BTBD16: variants seen among roughly 807,000 people sequenced by gnomAD.
BTBD16 encodes the protein BTB/POZ domain-containing protein 16.
BTBD16 carries 66 observed loss-of-function variants against 67.4 expected under a neutral mutation model. The observed-to-expected ratio is 0.98, with a 90% CI of 0.80 to 1.20. BTBD16 has a LOEUF of 1.20. BTBD16 is among the 50% of genes most tolerant of loss of function. BTBD16 has a pLI of 0.00. For missense variants in BTBD16, 634 were observed against 616.0 expected, an observed-to-expected ratio of 1.03 and a Z score of -0.31; for synonymous variants, 242 against 236.4, an observed-to-expected ratio of 1.02 and a Z score of -0.22.
intron 10 of BTBD16, among the ~76,000 whole-genome samples, chr10:122,309,716 C>T (rs1191434344): frequency 6.6e-6 from 1 of 151,928 alleles, no homozygotes; most frequent in Non-Finnish European, 1.5e-5. Context: ...TCAAGTGATC[C>T]TCCCACTTGG....
At chr10:122,329,629 C>T (rs1489253518) in intron 11 of BTBD16, 58 bp downstream of exon 11, 3 of 1,449,482 alleles carry the variant, frequency 2.1e-6, no homozygotes, top group Admixed American at 1.7e-5. Context: ...CCTGCCCACC[C>T]CCCAGCCACT....
Position 122,286,263 on chromosome 10 carries a change from G to A in BTBD16, c.385+15G>A, listed in dbSNP as rs1233629598. On this transcript the variant is annotated intron_variant, in intron 5 of 15. Coordinates refer to ENST00000260723, the MANE Select transcript of BTBD16 (RefSeq NM_144587.5). ...GCTTCTGCGAGGTACTTCCTCCCTG[G>A]CACCCAGTGCTGGAGCCCCAGTGCC... 6.3e-7 allele frequency: 1 copy of A among 1,595,916 alleles called. No homozygotes were observed. The highest frequency in any genetic ancestry group is 8.6e-7 in the Non-Finnish European group (1 of 1,168,684).
chr10:122,307,937 C>T (rs1270441181), intron 10 of BTBD16, among the ~76,000 whole-genome samples: 1 of 152,234 alleles, frequency 6.6e-6, no homozygotes, highest in African/African-American at 2.4e-5. Context: ...AAGTAAAGAG[C>T]CCACTTCTTT....
chr10:122,323,809 G>C (rs1268569017), intron 10 of BTBD16, among the ~76,000 whole-genome samples: 2 of 152,110 alleles, frequency 1.3e-5, no homozygotes, highest in African/African-American at 4.8e-5. Context: ...ATAATGAGGA[G>C]GTTACTTAGG....
chr10:122,296,639 A>T (rs1257285044), intron 7 of BTBD16, among the ~76,000 whole-genome samples: 8 of 151,788 alleles, frequency 5.3e-5, no homozygotes, highest in Non-Finnish European at 1.2e-4. Flanking sequence ...AACATCTGTG[A>T]CCCTACCTGC....
At chr10:122,315,367 T>A (rs532888219) in intron 10 of BTBD16, among the ~76,000 whole-genome samples, 1 of 152,296 alleles carries the variant, frequency 6.6e-6, no homozygotes, top group East Asian at 1.9e-4. Context: ...ACCAACTAGG[T>A]CAAGCAATAT....
rs79702931 is a variant in BTBD16, at chr10:122,307,448, C to T, written c.911+140C>T. 3.4e-3 allele frequency: 2,806 copies of T among 832,626 alleles called. 48 individuals are homozygous for T. In the African/African-American group the frequency reaches 0.045, roughly 13 times the overall value. 51.6% of individuals were successfully genotyped at this position (832,626 alleles called of 1,614,324 possible). A position where few individuals can be genotyped will look rare whatever the true frequency, so the allele number is the denominator to read the frequency against. ...GAGGGCACTGTTTTTTTAATAGGGC[C>T]TAAGATTATAGGATGCTTTCAAACC... is the stretch of plus-strand genomic sequence containing the variant. On this transcript the variant is annotated intron_variant, in intron 10 of 15. Coordinates refer to ENST00000260723, the MANE Select transcript of BTBD16 (RefSeq NM_144587.5).
rs191976476 is a variant in BTBD16 at position 122,307,177 on chromosome 10, T to A, written c.792-12T>A. On this transcript the variant is annotated splice_polypyrimidine_tract_variant and intron_variant, in intron 9 of 15. Coordinates refer to ENST00000260723, the MANE Select transcript of BTBD16 (RefSeq NM_144587.5). ...TTCTGAAATTTCTTCTCAATCTTTT[T>A]ATTTTGGCCAGGTTATTTACCTTTA... The A allele has an allele frequency of 1.7e-5, 27 of 1,578,434 alleles. No individual in the cohort carries two copies. The African/African-American group carries it at 2.5e-4, about 14-fold the overall frequency.
Position 122,275,092 on chromosome 10 carries a change from C to T in BTBD16, c.11C>T (p.Ser4Leu), listed in dbSNP as rs202210822. 42 of 1,613,814 alleles carry T rather than the reference C, an allele frequency of 2.6e-5. 1 individual carries two copies. Among genetic ancestry groups the T allele is most frequent in the Admixed American group, 2.0e-4 (12 of 59,998 alleles). Residue 4 changes from serine to leucine, a missense_variant, in exon 2 of 16, where the codon TCG becomes TTG. Ser to Leu is a moderately radical substitution (Grantham distance 145, BLOSUM62 -2). Coordinates refer to ENST00000260723, the MANE Select transcript of BTBD16 (RefSeq NM_144587.5). MIM[S>L]NTHKARLERR... ...TTTCCACTTTCATTCATGATAATGTCGAACACGGTGAGTAGATCAGTTTCT... is the reference window on the plus strand; with the variant it reads ...TTTCCACTTTCATTCATGATAATGTTGAACACGGTGAGTAGATCAGTTTCT...
At chr10:122,328,888 G>A (rs1196101188) in intron 10 of BTBD16, 2 of 909,218 alleles carry the variant, frequency 2.2e-6, no homozygotes, top group East Asian at 1.2e-4. Context: ...TTAACACTGA[G>A]TATAGCAGAA....
At chr10:122,297,328 A>T (rs2096385183) in intron 7 of BTBD16, among the ~76,000 whole-genome samples, 1 of 152,184 alleles carries the variant, frequency 6.6e-6, no homozygotes, top group African/African-American at 2.4e-5. Context: ...AGAGACCTTC[A>T]TCTGAGAGCT....
chr10:122,278,542 T>A (rs553987534), intron 3 of BTBD16, among the ~76,000 whole-genome samples: 1 of 152,342 alleles, frequency 6.6e-6, no homozygotes, highest in South Asian at 2.1e-4. Context: ...GGGCAGCATT[T>A]TAGTAATTAA....
intron 13 of BTBD16, 149 bp downstream of exon 13, chr10:122,332,662 T>C: frequency 9.8e-7 from 1 of 1,019,608 alleles, no homozygotes. Context: ...TCCTGCATGG[T>C]CATCAGCTCC....
intron 4 of BTBD16, among the ~76,000 whole-genome samples, chr10:122,285,327 A>G (rs2096361569): frequency 6.6e-6 from 1 of 152,106 alleles, no homozygotes; most frequent in Non-Finnish European, 1.5e-5. Flanking sequence ...CTCCTCTATC[A>G]AAAAGCCTCT....
rs1408853683 is a variant in BTBD16 at position 122,289,992 on chromosome 10, A to G, written c.469A>G (p.Lys157Glu). ...GAAGATCAATGACCCACTGGTCACT[A>G]AAGTCGGTATGTATATACCCGTCTA... ...SLKINDPLVT[K>E]VAFATALKNL... is the part of the protein sequence containing the mutation. Residue 157 changes from lysine (K) to glutamate (E), a missense_variant, in exon 6 of 16, where the codon AAA (lysine) becomes GAA (glutamate). By Grantham distance (56) the Lys-to-Glu change is moderately conservative (BLOSUM62 1). Transcript: ENST00000260723. 6.2e-7 allele frequency: 1 copy of G among 1,608,224 alleles called. No individual in the cohort carries two copies. Among genetic ancestry groups the G allele is most frequent in the Non-Finnish European group, 8.5e-7 (1 of 1,174,892 alleles).
intron 10 of BTBD16, among the ~76,000 whole-genome samples, chr10:122,312,863 C>T (rs2096416546): frequency 6.6e-6 from 1 of 152,178 alleles, no homozygotes; most frequent in Admixed American, 6.5e-5. Context: ...GGCTGGCTTT[C>T]TCACTTTCAG....
intron 7 of BTBD16, among the ~76,000 whole-genome samples, chr10:122,292,677 C>T (rs1242279495): frequency 6.6e-6 from 1 of 152,204 alleles, no homozygotes; most frequent in East Asian, 1.9e-4. Context: ...AGGACAACTT[C>T]TTAGGCTCCT....
Position 122,276,951 on chromosome 10 carries a change from C to T in BTBD16, c.167+12C>T. 1 of 1,609,864 alleles carries T rather than the reference C, an allele frequency of 6.2e-7. No individual in the cohort carries two copies. Among genetic ancestry groups the T allele is most frequent in the Non-Finnish European group, 8.5e-7 (1 of 1,177,218 alleles). ...AGGAACCCAGACAGGTATGGAGACT[C>T]AAAGGTTTGTGGGAGGGAATGGCCC... On this transcript the variant is annotated intron_variant, in intron 3 of 15. Coordinates refer to ENST00000260723, the MANE Select transcript of BTBD16 (RefSeq NM_144587.5).
Position 122,273,001 on chromosome 10 carries a change from ACACT to A in BTBD16, c.-43+1491_-43+1494del, listed in dbSNP as rs375199808. Among the ~76,000 whole-genome samples, 590 of 149,838 alleles carry A rather than the reference ACACT, an allele frequency of 3.9e-3. 3 individuals are homozygous for A. The highest frequency in any genetic ancestry group is 0.014 in the African/African-American group (558 of 40,286). ...TAAAGTAAGAATCTGAAACCATCTG[ACACT>A]CACCAGCTTGGCAAAAATAAATACG... is the stretch of plus-strand genomic sequence containing the variant. On this transcript the variant is annotated intron_variant, in intron 1 of 15. Coordinates refer to ENST00000260723, the MANE Select transcript of BTBD16 (RefSeq NM_144587.5).
Sources: allele counts gnomAD v4.1 joint callset (sites outside exome capture counted in the v4.1 genomes callset), GRCh38; gene constraint gnomAD v4.1.1; transcripts MANE v1.5; gene names NCBI Gene and HGNC (gene_info 2026-07-23, HGNC 2026-07-21).